Variants in BRD4 observed in about 807,000 individuals in gnomAD.
BRD4 encodes bromodomain containing 4, also known as bromodomain-containing protein 4.
A neutral mutation model predicts 142.1 loss-of-function variants in BRD4; 16 were observed. The ratio of observed to expected loss-of-function variants is 0.11; its 90% CI spans 0.08 to 0.17. The LOEUF is 0.17. Ranked by LOEUF, BRD4 falls within the 10% of genes least tolerant of loss-of-function variation. The pLI is 1.00. For missense variants in BRD4, 1,424 were observed against 1,810.9 expected (o/e 0.79, Z 3.88); for synonymous variants, 833 against 707.5 (o/e 1.18, Z -2.82).
Position 15,264,777 on chromosome 19 carries a change from C to A in BRD4, c.850-11G>T. On this transcript the variant is annotated splice_polypyrimidine_tract_variant and intron_variant, in intron 5 of 19. Transcript: ENST00000679869. Reference sequence around the variant, plus strand: ...CACTCCCTTCTTTGTCTGCCAAGAACACGGACGCCAACAGGCACAGTCAGA... The same window carrying A: ...CACTCCCTTCTTTGTCTGCCAAGAAAACGGACGCCAACAGGCACAGTCAGA... The A allele has an allele frequency of 6.3e-7, 1 of 1,588,010 alleles. No homozygotes were observed. The highest frequency in any genetic ancestry group is 8.6e-7 in the Non-Finnish European group (1 of 1,164,490).
chr19:15,273,163 A>G (rs202213884), intron 1 of BRD4, 30 bp from the exon 2 acceptor site: 302 of 1,519,396 alleles, frequency 2.0e-4, no homozygotes, highest in Non-Finnish European at 2.5e-4. Context: ...CCCCCGTGAG[A>G]TATCAGTCAG....
At chr19:15,328,913 A>G (rs1179143784) in intron 1 of BRD4, among the ~76,000 whole-genome samples, 1 of 152,158 alleles carries the variant, frequency 6.6e-6, no homozygotes, top group African/African-American at 2.4e-5. Context: ...AGCTGGGATT[A>G]CAGGCATGCG....
chr19:15,273,031 A>G lies in BRD4; in HGVS notation c.69T>C (p.Thr23=), dbSNP rs2047606639. Residue 23 remains threonine, a synonymous_variant, in exon 2 of 20, where the codon ACT becomes ACC. Transcript: ENST00000679869. ...GGGCCTGTGTTGTAGACATTTGGGA[A>G]GTTTCTAGTCCATCCCCCATTACTG... ...NLPVMGDGLE[T]SQMSTTQAQA... 1 of 1,613,738 alleles carries G rather than the reference A, an allele frequency of 6.2e-7. No homozygotes were observed. The highest frequency in any genetic ancestry group is 8.5e-7 in the Non-Finnish European group (1 of 1,179,742).
intron 1 of BRD4, among the ~76,000 whole-genome samples, chr19:15,315,486 T>C (rs182693424): frequency 5.3e-4 from 80 of 151,962 alleles, no homozygotes; most frequent in African/African-American, 1.9e-3. Flanking sequence ...GAAATTCTCT[T>C]GGAAACAGAA....
chr19:15,301,347 C>T (rs990932575), intron 1 of BRD4, among the ~76,000 whole-genome samples: 2 of 149,430 alleles, frequency 1.3e-5, no homozygotes, highest in Non-Finnish European at 3.0e-5. Flanking sequence ...CAAATCACGA[C>T]GTCAGGAGTT....
At chr19:15,297,598 A>G (rs2047834316) in intron 1 of BRD4, among the ~76,000 whole-genome samples, 1 of 152,180 alleles carries the variant, frequency 6.6e-6, no homozygotes, top group Middle Eastern at 3.2e-3. Flanking sequence ...TACGCTCTGT[A>G]TTTACAGAGC....
rs988079141 is a variant in BRD4 at position 15,285,704 on chromosome 19, CAT to C, written c.-34-12573_-34-12572del. On this transcript the variant is annotated intron_variant, in intron 1 of 19. Coordinates refer to ENST00000679869, the MANE Select transcript of BRD4 (RefSeq NM_001379291.1). ...GAGTAGAAAAGAGATGGCAAGATAA[CAT>C]AAAACTTTGGCTAATTTTTATTACT... is the stretch of plus-strand genomic sequence containing the variant. Among the ~76,000 whole-genome samples the C allele has an allele frequency of 1.0e-3, 155 of 152,252 alleles. 1 individual carries two copies. Among genetic ancestry groups the C allele is most frequent in the Admixed American group, 8.8e-3 (134 of 15,294 alleles).
At chr19:15,313,813 G>C (rs1457676381) in intron 1 of BRD4, among the ~76,000 whole-genome samples, 1 of 152,148 alleles carries the variant, frequency 6.6e-6, no homozygotes, top group Non-Finnish European at 1.5e-5. Context: ...TGAACTAATG[G>C]GCAGGCAGGA....
chr19:15,245,585 C>T (rs1012364467), intron 11 of BRD4, among the ~76,000 whole-genome samples: 3 of 152,126 alleles, frequency 2.0e-5, no homozygotes, highest in Non-Finnish European at 4.4e-5. Flanking sequence ...GAGGTGTACT[C>T]GAGAGCCAGC....
intron 1 of BRD4, among the ~76,000 whole-genome samples, chr19:15,331,123 C>A (rs1204118442): frequency 6.6e-6 from 1 of 152,094 alleles, no homozygotes; most frequent in Non-Finnish European, 1.5e-5. Flanking sequence ...CACCAGGCTG[C>A]ACGAAACGTA....
At chr19:15,301,300 C>T (rs1433725627) in intron 1 of BRD4, among the ~76,000 whole-genome samples, 7 of 152,214 alleles carry the variant, frequency 4.6e-5, no homozygotes, top group African/African-American at 9.6e-5. Flanking sequence ...CGGTGGCTCA[C>T]GCCTGTAATC....
intron 7 of BRD4, among the ~76,000 whole-genome samples, chr19:15,258,790 T>C (rs144811090): frequency 0.011 from 1,681 of 152,208 alleles, 29 homozygotes; most frequent in South Asian, 0.053. Context: ...GGTTTTGACA[T>C]GTTGCCCAGG....
At chr19:15,318,880 G>A (rs975571797) in intron 1 of BRD4, among the ~76,000 whole-genome samples, 1 of 152,236 alleles carries the variant, frequency 6.6e-6, no homozygotes, top group Non-Finnish European at 1.5e-5. Flanking sequence ...GGCTGACAAA[G>A]TTGGGGGCAC....
At chr19:15,247,544 G>A (rs1208177925) in intron 11 of BRD4, 3 of 233,206 alleles carry the variant, frequency 1.3e-5, no homozygotes, top group South Asian at 1.8e-4. Flanking sequence ...TGTGGCTATG[G>A]CCCATGTGCA....
chr19:15,299,690 G>A (rs777455196), intron 1 of BRD4, among the ~76,000 whole-genome samples: 1 of 152,242 alleles, frequency 6.6e-6, no homozygotes, highest in Admixed American at 6.5e-5. Flanking sequence ...CCCAGCATGA[G>A]TGGATTCCTT....
At chr19:15,305,421 G>A (rs544130045) in intron 1 of BRD4, among the ~76,000 whole-genome samples, 63 of 152,312 alleles carry the variant, frequency 4.1e-4, no homozygotes, top group Middle Eastern at 3.4e-3. Flanking sequence ...TAGCAGGCAC[G>A]AAAACATTCA....
chr19:15,256,380 T>C (rs2047409036), intron 8 of BRD4, 117 bp from the exon 9 acceptor site: 5 of 1,310,116 alleles, frequency 3.8e-6, no homozygotes, highest in African/African-American at 3.0e-5. Flanking sequence ...CATCAGGGTG[T>C]GGGCATAGGG....
intron 1 of BRD4, among the ~76,000 whole-genome samples, chr19:15,277,149 A>G (rs1022398490): frequency 2.0e-5 from 3 of 152,198 alleles, no homozygotes; most frequent in African/African-American, 7.2e-5. Flanking sequence ...ACCATTCACC[A>G]CGTTAAGAGT....
At chr19:15,278,709 C>T (rs2047676577) in intron 1 of BRD4, among the ~76,000 whole-genome samples, 1 of 151,636 alleles carries the variant, frequency 6.6e-6, no homozygotes, top group South Asian at 2.1e-4. Flanking sequence ...CTTCCTCTGG[C>T]CTGAGGCATC....
Sources: allele counts gnomAD v4.1 joint callset (sites outside exome capture counted in the v4.1 genomes callset), GRCh38; gene constraint gnomAD v4.1.1; transcripts MANE v1.5; gene names NCBI Gene and HGNC (gene_info 2026-07-23, HGNC 2026-07-21).